The following JAK2 variants were observed in gnomAD, a reference collection of about 807,000 sequenced individuals.
JAK2 encodes the protein tyrosine-protein kinase JAK2.
JAK2 carries 86 observed loss-of-function variants against 139.3 expected under a neutral mutation model. The ratio of observed to expected loss-of-function variants is 0.62; its 90% CI spans 0.52 to 0.74. JAK2 has a LOEUF of 0.74. Ranked by LOEUF, JAK2 falls within the 30% of genes least tolerant of loss-of-function variation. The probability of loss-of-function intolerance (pLI) is 0.00; values close to 1 mark genes in which losing one functional copy is unlikely to be tolerated. For missense variants in JAK2, 1,421 were observed against 1,360.3 expected, an observed-to-expected ratio of 1.04 and a Z score of -0.70; for synonymous variants, 490 against 437.7, an observed-to-expected ratio of 1.12 and a Z score of -1.49.
chr9:5,120,351 A>C (rs1362109361), intron 22 of JAK2, among the ~76,000 whole-genome samples: 1 of 152,230 alleles, frequency 6.6e-6, no homozygotes, highest in Admixed American at 6.5e-5. Context: ...TTTGGAGGAG[A>C]CACATAGCAA....
At chr9:5,111,033 C>G (rs1010417650) in intron 22 of JAK2, 1 of 882,288 alleles carries the variant, frequency 1.1e-6, no homozygotes, top group South Asian at 1.4e-5. Context: ...CCTCCCTGGC[C>G]GGGGCGCAAT....
intron 13 of JAK2, 83 bp downstream of exon 13, chr9:5,072,709 C>CA: frequency 9.6e-7 from 1 of 1,046,476 alleles, no homozygotes; most frequent in Non-Finnish European, 1.3e-6. Flanking sequence ...CTCATGTGTG[C>CA]AGCTTTTCAA....
intron 22 of JAK2, chr9:5,110,187 C>G (rs927469489): frequency 5.3e-5 from 8 of 152,180 alleles, no homozygotes; most frequent in African/African-American, 1.9e-4. Context: ...AGGCCCAACC[C>G]CAGCCTCAGC....
chr9:5,080,130 C>A, intron 16 of JAK2, 99 bp from the exon 17 acceptor site: 1 of 950,790 alleles, frequency 1.1e-6, no homozygotes, highest in Non-Finnish European at 1.6e-6. Flanking sequence ...GAAAATAGGC[C>A]TGATTATTCA....
At chr9:5,107,567 A>T (rs754581574) in intron 22 of JAK2, among the ~76,000 whole-genome samples, 31 of 152,176 alleles carry the variant, frequency 2.0e-4, no homozygotes, top group Middle Eastern at 3.2e-3. Flanking sequence ...GATTGAATTG[A>T]ATTGGTAAAT....
At chr9:5,040,079 C>T (rs951169034) in intron 4 of JAK2, among the ~76,000 whole-genome samples, 1 of 152,050 alleles carries the variant, frequency 6.6e-6, no homozygotes. Context: ...GGACTGTAAT[C>T]AAGACAATGT....
At chr9:5,084,004 A>G (rs1240117629) in intron 19 of JAK2, among the ~76,000 whole-genome samples, 1 of 152,134 alleles carries the variant, frequency 6.6e-6, no homozygotes, top group African/African-American at 2.4e-5. Flanking sequence ...TGAATATACC[A>G]TAATTTATTT....
chr9:5,006,308 T>A (rs922478412), intron 2 of JAK2, among the ~76,000 whole-genome samples: 3 of 152,198 alleles, frequency 2.0e-5, no homozygotes, highest in African/African-American at 7.2e-5. Context: ...TATTGGTGTA[T>A]AAGAATGCTT....
intron 2 of JAK2, among the ~76,000 whole-genome samples, chr9:5,015,845 A>G (rs572946472): frequency 6.6e-6 from 1 of 152,326 alleles, no homozygotes; most frequent in Non-Finnish European, 1.5e-5. Context: ...TGTGATTTCC[A>G]GTTACCATCC....
At chr9:5,088,898 T>TC (rs1460575875) in intron 19 of JAK2, among the ~76,000 whole-genome samples, 1 of 152,122 alleles carries the variant, frequency 6.6e-6, no homozygotes, top group Admixed American at 6.5e-5. Context: ...CCAAATACAG[T>TC]CATATTGGGG....
At chr9:5,111,508 T>C in intron 22 of JAK2, 1 of 364,842 alleles carries the variant, frequency 2.7e-6, no homozygotes, top group East Asian at 7.2e-5. Flanking sequence ...CCGCCGCCTA[T>C]CCATCCGCCA....
At position 5,126,454 on chromosome 9, in the gene JAK2, T is replaced by C. The variant is rs200047976; in HGVS notation, c.3291+8T>C. 2.1e-4 allele frequency: 304 copies of C among 1,421,396 alleles called. No individual in the cohort carries two copies. The African/African-American group carries it at 4.0e-3, about 19-fold the overall frequency. 88.0% of individuals were successfully genotyped at this position (1,421,396 alleles called of 1,614,324 possible). On this transcript the variant is annotated splice_region_variant and intron_variant, in intron 24 of 24. Transcript: ENST00000381652. ...GATGGATGCCCAGATGAGGTAACAA[T>C]TTTTTTTTAATCCAGGGTAGTCATG...
intron 2 of JAK2, among the ~76,000 whole-genome samples, chr9:5,015,900 G>GA (rs111893624): frequency 0.089 from 13,470 of 151,988 alleles, 1,754 homozygotes; most frequent in African/African-American, 0.29. Context: ...TATAAAAAGA[G>GA]TAAAAAATAT....
intron 2 of JAK2, among the ~76,000 whole-genome samples, chr9:5,001,180 G>A (rs1053079922): frequency 3.9e-5 from 6 of 152,054 alleles, no homozygotes; most frequent in Admixed American, 2.0e-4. Context: ...CAATCTCTAT[G>A]TCTTTTATTT....
At chr9:5,045,491 C>A (rs578003500) in intron 5 of JAK2, among the ~76,000 whole-genome samples, 26 of 152,284 alleles carry the variant, frequency 1.7e-4, no homozygotes, top group African/African-American at 5.8e-4. Flanking sequence ...CATTGCTGTA[C>A]AACCATCACC....
At chr9:5,037,649 T>A (rs1363733917) in intron 4 of JAK2, among the ~76,000 whole-genome samples, 2 of 152,054 alleles carry the variant, frequency 1.3e-5, no homozygotes, top group African/African-American at 4.8e-5. Flanking sequence ...TAGGTGGGAA[T>A]TGAACAATGA....
intron 3 of JAK2, 125 bp from the exon 4 acceptor site, chr9:5,029,658 G>A (rs537714323): frequency 4.3e-5 from 33 of 763,480 alleles, no homozygotes; most frequent in Middle Eastern, 3.6e-4. Flanking sequence ...AAAAGATTTC[G>A]ACTGCTATTA....
intron 2 of JAK2, among the ~76,000 whole-genome samples, chr9:4,996,390 G>T (rs1397373877): frequency 1.3e-5 from 2 of 152,112 alleles, no homozygotes; most frequent in African/African-American, 4.8e-5. Context: ...AGAGGTTGCA[G>T]TGAGCTGAGA....
At chr9:5,031,296 A>C (rs1028065795) in intron 4 of JAK2, among the ~76,000 whole-genome samples, 5 of 152,202 alleles carry the variant, frequency 3.3e-5, no homozygotes, top group African/African-American at 1.2e-4. Flanking sequence ...GTCCCAGGAG[A>C]TATTTTCACA....
Sources: gnomAD v4.1 joint callset for allele counts (sites outside exome capture counted in the v4.1 genomes callset) on GRCh38, gnomAD v4.1.1 for gene constraint, MANE v1.5 for transcripts, NCBI Gene and HGNC (gene_info 2026-07-23, HGNC 2026-07-21) for gene names.